The following NSUN6 variants were observed in gnomAD, a reference collection of about 807,000 sequenced individuals.
The protein encoded by NSUN6 is tRNA (cytosine(72)-C(5))-methyltransferase NSUN6.
Under a neutral mutation model 58.0 loss-of-function variants are expected in NSUN6, and 64 were observed. That is an observed-to-expected ratio of 1.10 (90% confidence interval 0.90 to 1.36). The LOEUF is 1.36. NSUN6 is among the 40% of genes most tolerant of loss of function. NSUN6 has a pLI of 0.00. For missense variants in NSUN6, 701 were observed against 550.1 expected (o/e 1.27, Z -2.74); for synonymous variants, 231 against 193.9 (o/e 1.19, Z -1.59).
At chr10:18,632,182 T>G (rs982643057) in intron 3 of NSUN6, among the ~76,000 whole-genome samples, 11 of 152,134 alleles carry the variant, frequency 7.2e-5, no homozygotes, top group African/African-American at 2.7e-4. Context: ...TAAATGGTGC[T>G]GGCAAAACTG....
chr10:18,572,403 TC>T (rs2056419132), intron 8 of NSUN6, among the ~76,000 whole-genome samples: 1 of 150,584 alleles, frequency 6.6e-6, no homozygotes, highest in Non-Finnish European at 1.5e-5. Context: ...TCCATTCCAA[TC>T]CATTGTCCAT....
upstream of NSUN6, among the ~76,000 whole-genome samples, chr10:18,658,899 T>C (rs949443036): frequency 3.3e-5 from 5 of 152,038 alleles, no homozygotes; most frequent in African/African-American, 9.7e-5. Flanking sequence ...CGTGAATGAA[T>C]AGATTAATAA....
intron 3 of NSUN6, among the ~76,000 whole-genome samples, chr10:18,634,831 A>T (rs2059159182): frequency 6.6e-6 from 1 of 152,078 alleles, no homozygotes; most frequent in Non-Finnish European, 1.5e-5. Context: ...TGGAGTTGAA[A>T]AATGTGTTAA....
chr10:18,656,096 C>T (rs999371209), upstream of NSUN6, among the ~76,000 whole-genome samples: 2 of 152,136 alleles, frequency 1.3e-5, no homozygotes, highest in Admixed American at 6.6e-5. Context: ...ATATTACTTA[C>T]AGCATCAAAA....
chr10:18,643,168 T>G (rs1404651450), intron 2 of NSUN6, among the ~76,000 whole-genome samples: 3 of 151,576 alleles, frequency 2.0e-5, no homozygotes, highest in Non-Finnish European at 2.9e-5. Flanking sequence ...GGTGAGTATT[T>G]ATACCACAGA....
chr10:18,626,881 A>G (rs1219537569), intron 3 of NSUN6, among the ~76,000 whole-genome samples: 1 of 152,258 alleles, frequency 6.6e-6, no homozygotes, highest in Admixed American at 6.5e-5. Flanking sequence ...ATTGTGAAAG[A>G]AAGGAAGAAA....
chr10:18,652,577 T>TTG, upstream of NSUN6: 1 of 983,262 alleles, frequency 1.0e-6, no homozygotes, highest in African/African-American at 1.8e-5. Flanking sequence ...CTCTTTTTTT[T>TTG]TTTTTTTTTT....
At chr10:18,573,874 A>T (rs1205959148) in intron 8 of NSUN6, among the ~76,000 whole-genome samples, 2 of 152,172 alleles carry the variant, frequency 1.3e-5, no homozygotes, top group South Asian at 4.1e-4. Context: ...TTTTAGGCTT[A>T]GTTGGATACT....
At chr10:18,569,246 CCA>C (rs1006101415) in intron 8 of NSUN6, among the ~76,000 whole-genome samples, 1 of 151,006 alleles carries the variant, frequency 6.6e-6, no homozygotes, top group African/African-American at 2.4e-5. Flanking sequence ...CCGTTCCATT[CCA>C]TTCTCCTCCA....
At chr10:18,629,481 C>A (rs1042311741) in intron 3 of NSUN6, among the ~76,000 whole-genome samples, 6 of 149,210 alleles carry the variant, frequency 4.0e-5, no homozygotes, top group African/African-American at 1.2e-4. Flanking sequence ...AGAGTCAAGA[C>A]CCATCAGTGT....
At chr10:18,583,500 G>C (rs942092337) in intron 8 of NSUN6, among the ~76,000 whole-genome samples, 11 of 152,292 alleles carry the variant, frequency 7.2e-5, no homozygotes, top group Admixed American at 2.0e-4. Flanking sequence ...TGACCCATTG[G>C]TAGGGGAGAA....
In NSUN6 at chr10:18,596,422, C is replaced by G. The variant is rs2057589568; in HGVS notation, c.658-95G>C. 4.5e-5 allele frequency: 33 copies of G among 735,922 alleles called. No individual in the cohort carries two copies. In the South Asian group the frequency reaches 5.7e-4, roughly 13 times the overall value. 45.6% of individuals were successfully genotyped at this position (735,922 alleles called of 1,614,324 possible). A position where few individuals can be genotyped will look rare whatever the true frequency, so the allele number is the denominator to read the frequency against. ...TAAAGAACCCTTTGGGGGTAATCCA[C>G]TACAGCATCCTCACGTCTGCTAAGA... On this transcript the variant is annotated intron_variant, in intron 6 of 10. Coordinates refer to ENST00000377304, the MANE Select transcript of NSUN6 (RefSeq NM_182543.5).
Position 18,564,543 on chromosome 10 carries a change from T to C in NSUN6, c.923-12572A>G, listed in dbSNP as rs529134908. On this transcript the variant is annotated intron_variant, in intron 8 of 10. Transcript: ENST00000377304. ...CTCCATTCCATTCCCCATTCCATTG[T>C]CCATTCCATTCCATTCTCTATTCCA... is the stretch of plus-strand genomic sequence containing the variant. Among the ~76,000 whole-genome samples the C allele has an allele frequency of 1.6e-4, 24 of 150,686 alleles. 1 individual carries two copies. In the South Asian group the frequency reaches 4.6e-3, roughly 29 times the overall value.
chr10:18,590,826 C>T (rs2057351440), intron 7 of NSUN6, among the ~76,000 whole-genome samples: 1 of 152,008 alleles, frequency 6.6e-6, no homozygotes, highest in Admixed American at 6.6e-5. Context: ...AATCGACACC[C>T]AAACATCACA....
chr10:18,648,420 G>A, intron 2 of NSUN6, 70 bp downstream of exon 2: 1 of 968,426 alleles, frequency 1.0e-6, no homozygotes, highest in Non-Finnish European at 1.6e-6. Flanking sequence ...TCATTCATAG[G>A]ATTTTAATGG....
chr10:18,652,637 T>A (rs1218870722), upstream of NSUN6: 5 of 850,346 alleles, frequency 5.9e-6, no homozygotes, highest in Non-Finnish European at 5.6e-6. Context: ...CTCGACTCAC[T>A]GCAACCTCCA....
At chr10:18,605,111 T>G (rs1212315001) in intron 6 of NSUN6, among the ~76,000 whole-genome samples, 1 of 150,978 alleles carries the variant, frequency 6.6e-6, no homozygotes, top group Admixed American at 6.6e-5. Context: ...GGTCTCCATC[T>G]CCTGACCTCG....
chr10:18,626,164 C>T (rs1313678263), intron 3 of NSUN6, among the ~76,000 whole-genome samples: 1 of 151,786 alleles, frequency 6.6e-6, no homozygotes, highest in Non-Finnish European at 1.5e-5. Context: ...GCCATAAGGA[C>T]CGAAAGCAAA....
intron 8 of NSUN6, among the ~76,000 whole-genome samples, chr10:18,573,812 G>A (rs991741726): frequency 1.3e-5 from 2 of 152,066 alleles, no homozygotes; most frequent in Admixed American, 6.6e-5. Context: ...TGAACAAATC[G>A]AGGGAATCAC....
Sources: gnomAD v4.1 joint callset for allele counts (sites outside exome capture counted in the v4.1 genomes callset) on GRCh38, gnomAD v4.1.1 for gene constraint, MANE v1.5 for transcripts, NCBI Gene and HGNC (gene_info 2026-07-23, HGNC 2026-07-21) for gene names.